The following SUSD4 variants were observed in gnomAD, a reference collection of about 807,000 sequenced individuals.
The protein encoded by SUSD4 is sushi domain-containing protein 4.
Under a neutral mutation model 50.5 loss-of-function variants are expected in SUSD4, and 41 were observed. That is an observed-to-expected ratio of 0.81 (90% CI 0.63 to 1.05). SUSD4 has a LOEUF of 1.05. Ranked by LOEUF, SUSD4 falls within the 50% of genes least tolerant of loss-of-function variation. The pLI is 0.00. For missense variants in SUSD4, 580 were observed against 634.7 expected (o/e 0.91, Z 0.93); for synonymous variants, 257 against 257.3 (o/e 1.00, Z 0.01).
chr1:223,228,153 G>A (rs1463885206), intron 6 of SUSD4, among the ~76,000 whole-genome samples: 1 of 152,152 alleles, frequency 6.6e-6, no homozygotes, highest in Non-Finnish European at 1.5e-5. Flanking sequence ...GTGGGGTTGG[G>A]TAAAGCAAGA....
chr1:223,365,145 G>A (rs923310654), upstream of SUSD4, among the ~76,000 whole-genome samples: 5 of 152,116 alleles, frequency 3.3e-5, no homozygotes, highest in African/African-American at 1.2e-4. Context: ...AGCCAAGGGG[G>A]TCGGTGGTAA....
intron 5 of SUSD4, among the ~76,000 whole-genome samples, chr1:223,233,484 G>A (rs535160381): frequency 3.3e-5 from 5 of 152,232 alleles, no homozygotes; most frequent in South Asian, 4.2e-4. Context: ...TATGAGGCTC[G>A]ACTGAGTACT....
intron 2 of SUSD4, among the ~76,000 whole-genome samples, chr1:223,355,156 T>A (rs1215055802): frequency 2.0e-5 from 3 of 151,082 alleles, no homozygotes; most frequent in Non-Finnish European, 4.4e-5. Flanking sequence ...CTCACTGTAA[T>A]CCCCACCTCC....
rs1404789117 is a variant in SUSD4, at chr1:223,264,767, A to C, written c.587T>G (p.Leu196Arg). ...SSNGYVNISE[L>R]QTSFPVGTVI... ...AGTCCCCACCGGGAAGGAGGTCTGG[A>C]GCTCAGAGATGTTTACATAGCCATT... Residue 196 changes from leucine (L) to arginine (R), a missense_variant, in exon 5 of 9, where the codon CTC becomes CGC. Leu to Arg is a moderately radical substitution (Grantham distance 102, BLOSUM62 -2). Coordinates refer to ENST00000366878, the MANE Select transcript of SUSD4 (RefSeq NM_017982.4). 3 of 1,614,070 alleles carry C rather than the reference A, an allele frequency of 1.9e-6. No homozygotes were observed. The highest frequency in any genetic ancestry group is 2.5e-6 in the Non-Finnish European group (3 of 1,180,040).
chr1:223,344,515 C>T (rs1301359249), intron 2 of SUSD4, among the ~76,000 whole-genome samples: 1 of 152,130 alleles, frequency 6.6e-6, no homozygotes, highest in East Asian at 1.9e-4. Flanking sequence ...CCACTTTGCA[C>T]TTAATGCACT....
At chr1:223,286,833 C>T (rs997921288) in intron 3 of SUSD4, among the ~76,000 whole-genome samples, 1 of 152,198 alleles carries the variant, frequency 6.6e-6, no homozygotes, top group African/African-American at 2.4e-5. Context: ...GATCAAGGAA[C>T]CTCTCCCTAG....
intron 2 of SUSD4, among the ~76,000 whole-genome samples, chr1:223,322,104 T>C (rs1479743621): frequency 1.3e-5 from 2 of 151,756 alleles, no homozygotes; most frequent in African/African-American, 4.8e-5. Flanking sequence ...GATTTCCGGA[T>C]TGGAGATGCT....
chr1:223,245,413 T>C (rs1424273893), intron 5 of SUSD4, among the ~76,000 whole-genome samples: 2 of 151,530 alleles, frequency 1.3e-5, no homozygotes, highest in East Asian at 3.9e-4. Flanking sequence ...GTCCAGGAAG[T>C]GCTGGAGGAG....
intron 5 of SUSD4, among the ~76,000 whole-genome samples, chr1:223,260,344 T>C (rs1340162922): frequency 6.6e-6 from 1 of 152,362 alleles, no homozygotes; most frequent in Non-Finnish European, 1.5e-5. Flanking sequence ...CAATAGTCAC[T>C]GGTGACAACA....
chr1:223,356,203 T>C (rs2102591134), intron 2 of SUSD4, among the ~76,000 whole-genome samples: 1 of 152,200 alleles, frequency 6.6e-6, no homozygotes, highest in Non-Finnish European at 1.5e-5. Context: ...TCTTCTCTCT[T>C]AGGGTAGTAC....
upstream of SUSD4, among the ~76,000 whole-genome samples, chr1:223,364,589 G>T (rs1242682429): frequency 6.6e-6 from 1 of 150,510 alleles, no homozygotes; most frequent in African/African-American, 2.4e-5. The surrounding 1 kb of genome is among the most constrained non-coding windows in gnomAD (Gnocchi z 4.5). Flanking sequence ...CCCTTCCCCG[G>T]CGCTGGACTG....
At chr1:223,264,163 G>A in intron 5 of SUSD4, 1 of 985,404 alleles carries the variant, frequency 1.0e-6, no homozygotes, top group Non-Finnish European at 1.2e-6. Context: ...ATAAAAACAG[G>A]GAGGAAAGAG....
chr1:223,260,960 G>A (rs374431670), intron 5 of SUSD4, among the ~76,000 whole-genome samples: 12 of 152,258 alleles, frequency 7.9e-5, no homozygotes, highest in Admixed American at 3.9e-4. Context: ...TCTCCACTCC[G>A]CTAGGGAGAG....
intron 5 of SUSD4, among the ~76,000 whole-genome samples, chr1:223,246,456 C>T (rs1304480471): frequency 1.3e-5 from 2 of 152,022 alleles, no homozygotes; most frequent in Non-Finnish European, 2.9e-5. Context: ...GCCGGAGGGT[C>T]CAGGGAGAGC....
intron 3 of SUSD4, among the ~76,000 whole-genome samples, chr1:223,277,590 A>C (rs1176123761): frequency 6.6e-6 from 1 of 152,186 alleles, no homozygotes; most frequent in Non-Finnish European, 1.5e-5. Context: ...CAATTAAAAT[A>C]GAGTCACTTG....
chr1:223,308,304 T>C (rs1181959718), intron 2 of SUSD4, among the ~76,000 whole-genome samples: 1 of 152,064 alleles, frequency 6.6e-6, no homozygotes, highest in African/African-American at 2.4e-5. Flanking sequence ...TCTCTTGAGA[T>C]GTGGTTGTTT....
At position 223,256,602 on chromosome 1, in the gene SUSD4, C is replaced by G. The variant is rs1661709994; in HGVS notation, c.724+8028G>C. Among the ~76,000 whole-genome samples, 3 of 152,338 alleles carry G rather than the reference C, an allele frequency of 2.0e-5. No individual in the cohort carries two copies. The East Asian group carries it at 5.8e-4, about 29-fold the overall frequency. ...GGGGGGAGAAGCTCTCCTAGCACCT[C>G]TCCCCTTCATTTTGCCACCTGCCTT... On this transcript the variant is annotated intron_variant, in intron 5 of 8. Coordinates refer to ENST00000366878, the MANE Select transcript of SUSD4 (RefSeq NM_017982.4).
At chr1:223,239,550 T>G (rs1263454538) in intron 5 of SUSD4, among the ~76,000 whole-genome samples, 1 of 152,126 alleles carries the variant, frequency 6.6e-6, no homozygotes, top group Non-Finnish European at 1.5e-5. Context: ...AGTGGTTGCC[T>G]TAGAGTTTGC....
chr1:223,298,604 A>T (rs1664988321), intron 2 of SUSD4, among the ~76,000 whole-genome samples: 1 of 152,200 alleles, frequency 6.6e-6, no homozygotes, highest in Admixed American at 6.5e-5. Flanking sequence ...TGATAGGTAC[A>T]GAACCCTCAG....
Sources: allele counts gnomAD v4.1 joint callset (sites outside exome capture counted in the v4.1 genomes callset), GRCh38; gene constraint gnomAD v4.1.1; non-coding constraint Gnocchi (gnomAD v3.1); transcripts MANE v1.5; gene names NCBI Gene and HGNC (gene_info 2026-07-23, HGNC 2026-07-21).